Variants in EML4 observed in about 807,000 individuals in gnomAD.
EML4 encodes echinoderm microtubule-associated protein-like 4.
In EML4, 72 loss-of-function variants were observed where a neutral mutation model predicts 129.0. That is an observed-to-expected ratio of 0.56 (90% CI 0.46 to 0.68). The LOEUF (loss-of-function observed/expected upper bound fraction) is 0.68. EML4 is among the 30% of genes least tolerant of loss of function. EML4 has a pLI of 0.00. For missense variants in EML4, 1,363 were observed against 1,190.6 expected (o/e 1.14, Z -2.13); for synonymous variants, 532 against 405.0 (o/e 1.31, Z -3.77).
intron 1 of EML4, among the ~76,000 whole-genome samples, chr2:42,241,460 C>A (rs1325028181): frequency 1.3e-5 from 2 of 152,162 alleles, no homozygotes; most frequent in Non-Finnish European, 2.9e-5. Context: ...AGGAGACATA[C>A]TTGTTCTGGA....
At chr2:42,182,012 C>T (rs1670972528) in intron 1 of EML4, among the ~76,000 whole-genome samples, 1 of 152,048 alleles carries the variant, frequency 6.6e-6, no homozygotes, top group Admixed American at 6.5e-5. Flanking sequence ...TTTGTTTCCT[C>T]CTTTTACATA....
intron 1 of EML4, among the ~76,000 whole-genome samples, chr2:42,218,489 C>T (rs913028354): frequency 6.6e-6 from 1 of 152,152 alleles, no homozygotes; most frequent in Non-Finnish European, 1.5e-5. Context: ...CGAAACCTGT[C>T]CCTGGTATCA....
In EML4 at chr2:42,206,005, G is replaced by A. The variant is rs553955397; in HGVS notation, c.25+36369G>A. Among the ~76,000 whole-genome samples, 8 of 151,820 alleles carry A rather than the reference G, an allele frequency of 5.3e-5. No individual in the cohort carries two copies. The South Asian group carries it at 8.3e-4, about 16-fold the overall frequency. On this transcript the variant is annotated intron_variant, in intron 1 of 22. Coordinates refer to ENST00000318522, the MANE Select transcript of EML4 (RefSeq NM_019063.5). Reference sequence around the variant, plus strand: ...ACTCTTGCTAATCATGATCATTTTTGCCTCTGAATTTCTAGCACTTACTGC... The same window carrying A: ...ACTCTTGCTAATCATGATCATTTTTACCTCTGAATTTCTAGCACTTACTGC...
At chr2:42,258,961 A>G (rs990158446) in intron 3 of EML4, among the ~76,000 whole-genome samples, 1 of 152,120 alleles carries the variant, frequency 6.6e-6, no homozygotes, top group African/African-American at 2.4e-5. Flanking sequence ...AGACATGTAA[A>G]TGGGACCGGA....
At position 42,219,308 on chromosome 2, in the gene EML4, T is replaced by C. The variant is rs80037530; in HGVS notation, c.26-26197T>C. Among the ~76,000 whole-genome samples the C allele has an allele frequency of 6.8e-3, 1,038 of 152,214 alleles. 9 individuals carry two copies. Among genetic ancestry groups the C allele is most frequent in the African/African-American group, 0.024 (1,000 of 41,538 alleles). ...TACAGTATTCCAGGGATGCCAAACC[T>C]GTGTATACAGAGGCCTCAGTTTTTG... On this transcript the variant is annotated intron_variant, in intron 1 of 22. Coordinates refer to ENST00000318522, the MANE Select transcript of EML4 (RefSeq NM_019063.5).
intron 1 of EML4, among the ~76,000 whole-genome samples, chr2:42,219,408 C>T (rs1353534123): frequency 6.6e-6 from 1 of 152,138 alleles, no homozygotes; most frequent in Non-Finnish European, 1.5e-5. Flanking sequence ...GTCCTGTAAC[C>T]ACCCTCCTGC....
chr2:42,208,624 G>A (rs1177236129), intron 1 of EML4, among the ~76,000 whole-genome samples: 5 of 151,404 alleles, frequency 3.3e-5, no homozygotes, highest in African/African-American at 9.7e-5. Flanking sequence ...TAGTAGAGAC[G>A]GGGTTTCACC....
intron 1 of EML4, among the ~76,000 whole-genome samples, chr2:42,230,505 C>G (rs1674264692): frequency 6.6e-6 from 1 of 152,182 alleles, no homozygotes; most frequent in Admixed American, 6.5e-5. Flanking sequence ...CTCCCAGGTT[C>G]AAGTGATTCT....
intron 13 of EML4, among the ~76,000 whole-genome samples, chr2:42,298,635 G>A (rs1296580842): frequency 3.3e-5 from 5 of 152,140 alleles, no homozygotes. Flanking sequence ...GAGTGAGAAG[G>A]ACTCACTGAC....
At chr2:42,314,371 T>A (rs898216430) in intron 17 of EML4, among the ~76,000 whole-genome samples, 1 of 151,786 alleles carries the variant, frequency 6.6e-6, no homozygotes, top group Admixed American at 6.6e-5. Flanking sequence ...AAAAAAAAAA[T>A]TGCTGCTTTT....
At chr2:42,245,094 C>CTTTTTTTTCTTTTTTTTTTT (rs1675303201) in intron 1 of EML4, among the ~76,000 whole-genome samples, 1 of 66,562 alleles carries the variant, frequency 1.5e-5, no homozygotes, top group Non-Finnish European at 2.6e-5. Flanking sequence ...AATTTTCTTT[C>CTTTTTTTTCTTTTTTTTTTT]TTTTTTTTTT....
intron 17 of EML4, among the ~76,000 whole-genome samples, chr2:42,309,252 A>G (rs939826479): frequency 1.3e-5 from 2 of 151,630 alleles, no homozygotes; most frequent in African/African-American, 4.8e-5. Flanking sequence ...CAAAAAATAA[A>G]AAAAAAAATA....
chr2:42,301,447 G>C (rs1313461522), intron 14 of EML4, 55 bp downstream of exon 14: 11 of 1,353,702 alleles, frequency 8.1e-6, no homozygotes, highest in African/African-American at 6.1e-5. Context: ...CAGGTATTTT[G>C]TCCCACATTA....
chr2:42,175,713 G>C (rs1670561798), intron 1 of EML4, among the ~76,000 whole-genome samples: 1 of 151,992 alleles, frequency 6.6e-6, no homozygotes, highest in Non-Finnish European at 1.5e-5. Context: ...TGGCCAAGCT[G>C]GTCTTGAACT....
rs138089010 is a variant in EML4 at position 42,187,476 on chromosome 2, A to G, written c.25+17840A>G. Among the ~76,000 whole-genome samples the G allele has an allele frequency of 4.1e-3, 627 of 152,072 alleles. 6 individuals are homozygous for G. Among genetic ancestry groups the G allele is most frequent in the African/African-American group, 0.014 (585 of 41,448 alleles). On this transcript the variant is annotated intron_variant, in intron 1 of 22. Transcript: ENST00000318522. The stretch of plus-strand genomic sequence containing the variant: ...TTGTTTCACTAGTTCGTTCCTTTTC[A>G]TTGCTGAGTAATATTTCTTTGTATG...
chr2:42,215,990 A>C (rs1173019433), intron 1 of EML4, among the ~76,000 whole-genome samples: 3 of 150,996 alleles, frequency 2.0e-5, no homozygotes, highest in African/African-American at 4.9e-5. Flanking sequence ...GCACGATCTC[A>C]GCTCACTGCA....
chr2:42,192,652 G>C (rs1671667617), intron 1 of EML4, among the ~76,000 whole-genome samples: 1 of 152,092 alleles, frequency 6.6e-6, no homozygotes, highest in African/African-American at 2.4e-5. Context: ...GCAATATGAA[G>C]AGTTAGATGA....
chr2:42,169,824 C>G, intron 1 of EML4, 188 bp downstream of exon 1: 2 of 534,182 alleles, frequency 3.7e-6, no homozygotes, highest in South Asian at 2.7e-5. Context: ...CCATGTCCAA[C>G]TCTCCTCTGT....
intron 1 of EML4, among the ~76,000 whole-genome samples, chr2:42,218,537 T>A (rs1673349607): frequency 6.6e-6 from 1 of 152,138 alleles, no homozygotes; most frequent in African/African-American, 2.4e-5. Context: ...ATTCCAGATA[T>A]TCTGTACTTG....
Sources: allele counts gnomAD v4.1 joint callset (sites outside exome capture counted in the v4.1 genomes callset), GRCh38; gene constraint gnomAD v4.1.1; transcripts MANE v1.5; gene names NCBI Gene and HGNC (gene_info 2026-07-23, HGNC 2026-07-21).